DYSF: variants seen among roughly 807,000 people sequenced by gnomAD.
The protein encoded by DYSF is dysferlin, also known as dystrophy-associated fer-1-like 1.
Under a neutral mutation model 274.9 loss-of-function variants are expected in DYSF, and 212 were observed. The ratio of observed to expected loss-of-function variants is 0.77; its 90% CI spans 0.69 to 0.86. The LOEUF (loss-of-function observed/expected upper bound fraction) is 0.86, where lower values mean the gene tolerates loss of function less well. Ranked by LOEUF, DYSF falls within the 40% of genes least tolerant of loss-of-function variation. The probability of loss-of-function intolerance (pLI) is 0.00; values close to 1 mark genes in which losing one functional copy is unlikely to be tolerated. For synonymous variants in DYSF, 1,091 were observed against 1,078.7 expected, an observed-to-expected ratio of 1.01 and a Z score of -0.22; for missense variants, 2,666 against 2,783.2, an observed-to-expected ratio of 0.96 and a Z score of 0.95.
At chr2:71,536,554 G>A (rs543987081) in intron 16 of DYSF, among the ~76,000 whole-genome samples, 5 of 152,360 alleles carry the variant, frequency 3.3e-5, no homozygotes, top group African/African-American at 4.8e-5. Context: ...GTGTCTCTGC[G>A]TGTTTGCGCA....
Position 71,574,219 on chromosome 2 carries a change from G to A in DYSF, c.3250G>A (p.Gly1084Ser). Residue 1084 changes from glycine (G) to serine (S), a missense_variant, in exon 30 of 56, where the codon GGC becomes AGC. Gly to Ser is a moderately conservative substitution (Grantham distance 56, BLOSUM62 0). Around this residue, in one of 3 missense-constraint regions of DYSF, gnomAD observed 1,460 missense variants for 1,502.1 expected, o/e 0.97. Transcript: ENST00000410020. ...LKRHRQAEAE[G>S]EGWEYASLFG... ...GCAGCACAGGCAGGCGGAGGCGGAG[G>A]GCGAGGGCTGGGAGTACGCCTCTCT... 5 of 1,613,608 alleles carry A rather than the reference G, an allele frequency of 3.1e-6. No individual in the cohort carries two copies. Among genetic ancestry groups the A allele is most frequent in the Non-Finnish European group, 4.2e-6 (5 of 1,180,048 alleles).
intron 2 of DYSF, 39 bp from the exon 3 acceptor site, chr2:71,481,840 G>C: frequency 6.4e-7 from 1 of 1,553,036 alleles, no homozygotes; most frequent in Non-Finnish European, 8.9e-7. Flanking sequence ...TTCTCCTAGA[G>C]GGCCATAGGT....
At chr2:71,586,759 G>A (rs530746044) in intron 30 of DYSF, among the ~76,000 whole-genome samples, 1 of 152,094 alleles carries the variant, frequency 6.6e-6, no homozygotes, top group Non-Finnish European at 1.5e-5. Flanking sequence ...TCCGCGAGCA[G>A]GGAGGTCCCT....
At chr2:71,668,895 A>T in intron 49 of DYSF, 53 bp downstream of exon 49, 2 of 1,573,068 alleles carry the variant, frequency 1.3e-6, no homozygotes, top group Non-Finnish European at 1.7e-6. Context: ...GGGGCGTTGC[A>T]GCCTGCTGTG....
chr2:71,497,920 C>T (rs1171975992), intron 3 of DYSF, among the ~76,000 whole-genome samples: 1 of 152,092 alleles, frequency 6.6e-6, no homozygotes, highest in African/African-American at 2.4e-5. Context: ...GTTTTGAAGA[C>T]CTTCTTCTGG....
At chr2:71,609,146 G>A (rs1163593435) in intron 36 of DYSF, among the ~76,000 whole-genome samples, 2 of 152,196 alleles carry the variant, frequency 1.3e-5, no homozygotes, top group Admixed American at 6.5e-5. Flanking sequence ...TAGCAGCCAG[G>A]TCACTGCAGA....
intron 3 of DYSF, among the ~76,000 whole-genome samples, chr2:71,493,589 C>A (rs1481887967): frequency 2.0e-5 from 3 of 152,104 alleles, no homozygotes; most frequent in South Asian, 4.1e-4. Flanking sequence ...CGCTGGCTCA[C>A]GCCTGTAATA....
chr2:71,496,557 A>G (rs1199053340), intron 3 of DYSF, among the ~76,000 whole-genome samples: 3 of 152,134 alleles, frequency 2.0e-5, no homozygotes, highest in African/African-American at 7.2e-5. Flanking sequence ...GTACCGACAT[A>G]GACGGTAGGG....
chr2:71,653,574 A>G (rs1418373450), intron 42 of DYSF, among the ~76,000 whole-genome samples: 1 of 148,552 alleles, frequency 6.7e-6, no homozygotes, highest in Non-Finnish European at 1.5e-5. Flanking sequence ...AAAACCAAAC[A>G]CCGCATGTTC....
At chr2:71,557,657 G>A (rs75663047) in intron 22 of DYSF, among the ~76,000 whole-genome samples, 21,102 of 152,104 alleles carry the variant, frequency 0.14, 1,654 homozygotes, top group African/African-American at 0.2. Flanking sequence ...AGGGCAGCAT[G>A]GACTATTTAG....
intron 47 of DYSF, 73 bp from the exon 48 acceptor site, chr2:71,667,303 C>T: frequency 3.1e-6 from 5 of 1,607,234 alleles, no homozygotes; most frequent in Non-Finnish European, 4.3e-6. Flanking sequence ...CCTGCTCAGC[C>T]TGTTCACTGG....
At chr2:71,506,523 G>A (rs920242910) in intron 4 of DYSF, among the ~76,000 whole-genome samples, 15 of 152,134 alleles carry the variant, frequency 9.9e-5, no homozygotes, top group Admixed American at 7.2e-4. Flanking sequence ...TGTCAGGCGC[G>A]GGACCCGTGA....
chr2:71,496,043 C>G (rs1276674827), intron 3 of DYSF, among the ~76,000 whole-genome samples: 11 of 151,942 alleles, frequency 7.2e-5, no homozygotes, highest in Non-Finnish European at 4.4e-5. Context: ...TCCACCTCCC[C>G]TCCCTCTTTA....
intron 41 of DYSF, among the ~76,000 whole-genome samples, chr2:71,634,094 G>T (rs988227048): frequency 1.3e-5 from 2 of 152,202 alleles, no homozygotes; most frequent in African/African-American, 4.8e-5. Flanking sequence ...TGAAACTGGA[G>T]AGGCTTCCAG....
At chr2:71,546,608 C>T (rs1265100729) in intron 17 of DYSF, among the ~76,000 whole-genome samples, 1 of 152,224 alleles carries the variant, frequency 6.6e-6, no homozygotes, top group Non-Finnish European at 1.5e-5. Context: ...AGGTAACAGG[C>T]ACGTGAGCTC....
chr2:71,654,806 C>T (rs1346382372), intron 42 of DYSF, among the ~76,000 whole-genome samples: 4 of 144,790 alleles, frequency 2.8e-5, no homozygotes, highest in African/African-American at 1.0e-4. Flanking sequence ...AGGCCAGGCA[C>T]AGTGGCTCAC....
chr2:71,664,710 A>G (rs1045561646), intron 46 of DYSF, among the ~76,000 whole-genome samples: 1 of 152,228 alleles, frequency 6.6e-6, no homozygotes, highest in Non-Finnish European at 1.5e-5. Flanking sequence ...TCTGTAATGC[A>G]CATAGAAGGC....
At chr2:71,578,871 GCCTGGCTCCTTCCACGGAGCGGGAGGC>G (rs2092797216) in intron 30 of DYSF, among the ~76,000 whole-genome samples, 1 of 152,248 alleles carries the variant, frequency 6.6e-6, no homozygotes, top group Non-Finnish European at 1.5e-5. Context: ...CAGGGGCCAA[GCCTGGCTCCTTCCACGGAGCGGGAGGC>G]CCTGGCTCCG....
chr2:71,491,150 A>C (rs984931032), intron 3 of DYSF, among the ~76,000 whole-genome samples: 1 of 152,212 alleles, frequency 6.6e-6, no homozygotes, highest in Non-Finnish European at 1.5e-5. Context: ...TTCCTTGGCC[A>C]TTTGTAAAGT....
Sources: gnomAD v4.1 joint callset for allele counts (sites outside exome capture counted in the v4.1 genomes callset) on GRCh38, gnomAD v4.1.1 for gene constraint, gnomAD v4.1.1 regional missense constraint, MANE v1.5 for transcripts, NCBI Gene and HGNC (gene_info 2026-07-23, HGNC 2026-07-21) for gene names.